AGBL1: variants seen among roughly 807,000 people sequenced by gnomAD.
The protein encoded by AGBL1 is AGBL carboxypeptidase 1, also known as cytosolic carboxypeptidase 4.
Under a neutral mutation model 118.9 loss-of-function variants are expected in AGBL1, and 130 were observed. The ratio of observed to expected loss-of-function variants is 1.09; its 90% CI spans 0.95 to 1.26. The LOEUF is 1.26. Among genes scored for constraint, AGBL1 ranks in the 50% most tolerant of loss-of-function variants. AGBL1 has a pLI of 0.00. For missense variants in AGBL1, 1,584 were observed against 1,298.1 expected, an observed-to-expected ratio of 1.22 and a Z score of -3.38; for synonymous variants, 555 against 478.9, an observed-to-expected ratio of 1.16 and a Z score of -2.08.
intron 1 of AGBL1, among the ~76,000 whole-genome samples, chr15:86,132,560 T>G (rs1019958027): frequency 6.6e-6 from 1 of 152,210 alleles, no homozygotes; most frequent in Non-Finnish European, 1.5e-5. Context: ...TGCTATAATT[T>G]GTCAACTGTG....
At chr15:86,621,570 A>G (rs2084805035) in intron 21 of AGBL1, among the ~76,000 whole-genome samples, 1 of 152,182 alleles carries the variant, frequency 6.6e-6, no homozygotes, top group South Asian at 2.1e-4. Context: ...TCTTGAAAGG[A>G]TAATAGTCAT....
At chr15:86,758,381 A>G (rs1181609584) in intron 22 of AGBL1, among the ~76,000 whole-genome samples, 2 of 152,096 alleles carry the variant, frequency 1.3e-5, no homozygotes, top group Non-Finnish European at 2.9e-5. Context: ...TCTAGCCCCT[A>G]GAGTAGTTTG....
In AGBL1 at chr15:86,410,887, A is replaced by G. The variant is rs1301208506; in HGVS notation, c.2555+13341A>G. 1.0e-4 allele frequency among the ~76,000 whole-genome samples: 10 copies of G among 99,314 alleles called. 1 individual carries two copies. The highest frequency in any genetic ancestry group is 3.7e-4 in the African/African-American group (10 of 27,080). The allele number at this position is 99,314 out of a possible 152,430, so 65.2% of individuals were successfully genotyped here. On this transcript the variant is annotated intron_variant, in intron 18 of 22. Transcript: ENST00000614907. ...AAATATATAATATATATTATAATAT[A>G]TATTATATAATATTATATATAATAT...
rs77547423 is a variant in AGBL1, at chr15:86,568,152, G to A, written c.2994+13615G>A. On this transcript the variant is annotated intron_variant, in intron 21 of 22. Coordinates refer to ENST00000614907, the MANE Select transcript of AGBL1 (RefSeq NM_001386094.1). The stretch of plus-strand genomic sequence containing the variant: ...AATATCCCATTGAGAGTTTAAAGAT[G>A]TCTTTGTTTCTTTGTTTTCTCTAGC... Among the ~76,000 whole-genome samples, 8 of 152,130 alleles carry A rather than the reference G, an allele frequency of 5.3e-5. No homozygotes were observed. In the East Asian group the frequency reaches 1.4e-3, roughly 26 times the overall value.
At chr15:86,983,000 G>C (rs985918820) in intron 23 of AGBL1, among the ~76,000 whole-genome samples, 1 of 152,042 alleles carries the variant, frequency 6.6e-6, no homozygotes, top group African/African-American at 2.4e-5. Context: ...TTGCTTTTCA[G>C]GGTGGTTCTA....
intron 23 of AGBL1, among the ~76,000 whole-genome samples, chr15:86,938,129 T>A (rs184289150): frequency 5.4e-4 from 83 of 152,300 alleles, no homozygotes; most frequent in Non-Finnish European, 9.4e-4. Context: ...ACACTTCTGA[T>A]AAGTGTGGTC....
chr15:86,184,970 C>T (rs990547311), intron 5 of AGBL1, among the ~76,000 whole-genome samples: 1 of 152,128 alleles, frequency 6.6e-6, no homozygotes, highest in African/African-American at 2.4e-5. Flanking sequence ...TCAGAGTGAA[C>T]AGGCAACCTA....
chr15:86,667,293 G>C lies in AGBL1; in HGVS notation c.2995-6980G>C, dbSNP rs1158141816. On this transcript the variant is annotated intron_variant, in intron 21 of 22. Transcript: ENST00000614907. ...ATCTGTCTATCTTTGCTGTTGGCTT[G>C]CTGCCCTGTTTATATATTAGTAATG... Among the ~76,000 whole-genome samples, 3 of 150,474 alleles carry C rather than the reference G, an allele frequency of 2.0e-5. No individual in the cohort carries two copies. The East Asian group carries it at 6.0e-4, about 30-fold the overall frequency.
intron 6 of AGBL1, among the ~76,000 whole-genome samples, chr15:86,230,682 G>T (rs1165980792): frequency 6.6e-6 from 1 of 152,026 alleles, no homozygotes; most frequent in Non-Finnish European, 1.5e-5. Context: ...TCTCATCCAG[G>T]GATATTCAAA....
At chr15:86,839,524 C>T (rs2079216491) in intron 22 of AGBL1, among the ~76,000 whole-genome samples, 1 of 152,138 alleles carries the variant, frequency 6.6e-6, no homozygotes, top group Non-Finnish European at 1.5e-5. Context: ...GGTTTCTCAG[C>T]TTTCGCACTA....
At chr15:86,104,427 T>A (rs571037273) in intron 1 of AGBL1, among the ~76,000 whole-genome samples, 256 of 152,318 alleles carry the variant, frequency 1.7e-3, no homozygotes, top group Non-Finnish European at 2.5e-3. Flanking sequence ...TAGGGTAGCC[T>A]GTCCTCAGGT....
chr15:86,935,712 C>G (rs2080663729), intron 23 of AGBL1, among the ~76,000 whole-genome samples: 1 of 152,102 alleles, frequency 6.6e-6, no homozygotes, highest in South Asian at 2.1e-4. Flanking sequence ...TCAAGTCTGA[C>G]TAAAAATGAA....
At chr15:86,831,054 A>G (rs74443781) in intron 22 of AGBL1, among the ~76,000 whole-genome samples, 62 of 152,288 alleles carry the variant, frequency 4.1e-4, no homozygotes, top group African/African-American at 1.4e-3. Flanking sequence ...TACAGGCAAG[A>G]GAGAGCATGT....
intron 17 of AGBL1, among the ~76,000 whole-genome samples, chr15:86,363,699 A>G (rs1162261664): frequency 6.6e-6 from 1 of 152,082 alleles, no homozygotes; most frequent in Non-Finnish European, 1.5e-5. Context: ...ATGGCTCTCA[A>G]ATTCATTAAT....
intron 22 of AGBL1, among the ~76,000 whole-genome samples, chr15:86,756,660 A>C (rs935667303): frequency 6.6e-6 from 1 of 152,126 alleles, no homozygotes; most frequent in African/African-American, 2.4e-5. Context: ...GTCTATAACC[A>C]GGACCCACTG....
chr15:86,752,752 T>G (rs2141256340), intron 22 of AGBL1, among the ~76,000 whole-genome samples: 1 of 152,230 alleles, frequency 6.6e-6, no homozygotes, highest in Middle Eastern at 3.4e-3. Flanking sequence ...GGAGAAAAAG[T>G]TGTTAAGAGA....
chr15:86,757,257 G>A (rs1384340154), intron 22 of AGBL1, among the ~76,000 whole-genome samples: 3 of 152,064 alleles, frequency 2.0e-5, no homozygotes, highest in Admixed American at 6.6e-5. Flanking sequence ...TGCTGAATCT[G>A]AGCAGCCAGA....
At chr15:86,090,500 C>G (rs1254653867) in intron 1 of AGBL1, among the ~76,000 whole-genome samples, 2 of 152,130 alleles carry the variant, frequency 1.3e-5, no homozygotes, top group Non-Finnish European at 2.9e-5. Flanking sequence ...CACTGCTATT[C>G]AATTTGCTTT....
At chr15:86,080,941 G>GC (rs1567041784) in intron 1 of AGBL1, among the ~76,000 whole-genome samples, 1 of 149,280 alleles carries the variant, frequency 6.7e-6, no homozygotes, top group African/African-American at 2.4e-5. Flanking sequence ...GTGGGGGCGG[G>GC]GGGGGGTCCA....
Sources: gnomAD v4.1 joint callset for allele counts (sites outside exome capture counted in the v4.1 genomes callset) on GRCh38, gnomAD v4.1.1 for gene constraint, MANE v1.5 for transcripts, NCBI Gene and HGNC (gene_info 2026-07-23, HGNC 2026-07-21) for gene names.